SERGEF: variants seen among roughly 807,000 people sequenced by gnomAD.
The protein encoded by SERGEF is secretion regulating guanine nucleotide exchange factor.
Under a neutral mutation model 50.0 loss-of-function variants are expected in SERGEF, and 51 were observed. The ratio of observed to expected loss-of-function variants is 1.02; its 90% CI spans 0.81 to 1.29. The LOEUF (loss-of-function observed/expected upper bound fraction) is 1.29. SERGEF is among the 50% of genes most tolerant of loss of function. The pLI, the probability that SERGEF is intolerant of heterozygous loss-of-function variation, is 0.00. For synonymous variants in SERGEF, 205 were observed against 212.4 expected, an observed-to-expected ratio of 0.97 and a Z score of 0.30; for missense variants, 521 against 557.0, an observed-to-expected ratio of 0.94 and a Z score of 0.65.
chr11:17,948,754 C>T (rs57051551), intron 9 of SERGEF, among the ~76,000 whole-genome samples: 5,386 of 152,250 alleles, frequency 0.035, 319 homozygotes, highest in African/African-American at 0.12. Flanking sequence ...ACTCTACCTC[C>T]TACTTTGCTT....
At chr11:17,898,970 G>A (rs896343215) in intron 9 of SERGEF, among the ~76,000 whole-genome samples, 8 of 152,098 alleles carry the variant, frequency 5.3e-5, no homozygotes, top group South Asian at 2.1e-4. Context: ...GTGAGTGATC[G>A]TGAGAGCTGG....
At chr11:17,882,955 G>C (rs1294644538) in intron 9 of SERGEF, among the ~76,000 whole-genome samples, 1 of 152,204 alleles carries the variant, frequency 6.6e-6, no homozygotes, top group African/African-American at 2.4e-5. Context: ...CCAGCTTGCT[G>C]ATTGGGGCCT....
chr11:17,858,523 A>G (rs370460449), intron 10 of SERGEF, among the ~76,000 whole-genome samples: 12 of 152,246 alleles, frequency 7.9e-5, no homozygotes, highest in African/African-American at 2.9e-4. Context: ...AGCTTCCCCA[A>G]CTCATCAGTC....
chr11:17,911,064 TG>T, intron 9 of SERGEF, among the ~76,000 whole-genome samples: 1 of 152,252 alleles, frequency 6.6e-6, no homozygotes, highest in African/African-American at 2.4e-5. Flanking sequence ...GTGCCAGACA[TG>T]GGGCACATGA....
chr11:17,875,750 C>A (rs1455664135), intron 10 of SERGEF, among the ~76,000 whole-genome samples: 1 of 152,230 alleles, frequency 6.6e-6, no homozygotes, highest in Non-Finnish European at 1.5e-5. Context: ...CAAGTTGATT[C>A]ATCTGTCACA....
intron 9 of SERGEF, among the ~76,000 whole-genome samples, chr11:17,919,957 A>C (rs1852122194): frequency 6.6e-6 from 1 of 151,644 alleles, no homozygotes; most frequent in East Asian, 1.9e-4. Flanking sequence ...AAAAAAAAAA[A>C]AAAACCGCAG....
intron 10 of SERGEF, among the ~76,000 whole-genome samples, chr11:17,834,845 A>G (rs1197531128): frequency 2.6e-5 from 4 of 152,020 alleles, no homozygotes; most frequent in Non-Finnish European, 5.9e-5. Context: ...TTCTGCTCTG[A>G]TCCCTCTAGT....
intron 10 of SERGEF, among the ~76,000 whole-genome samples, chr11:17,797,111 C>T (rs567129042): frequency 2.6e-5 from 4 of 152,220 alleles, no homozygotes; most frequent in African/African-American, 9.6e-5. Context: ...GCCATCACCC[C>T]TCAAGGGCTG....
chr11:17,885,932 C>T (rs943455143), intron 9 of SERGEF, among the ~76,000 whole-genome samples: 1 of 152,172 alleles, frequency 6.6e-6, no homozygotes, highest in African/African-American at 2.4e-5. Context: ...CTTGCCTTGG[C>T]TATAGTTTGC....
chr11:17,821,094 C>T (rs1850072567), intron 10 of SERGEF, among the ~76,000 whole-genome samples: 1 of 152,116 alleles, frequency 6.6e-6, no homozygotes, highest in Non-Finnish European at 1.5e-5. Context: ...GTTTTTGCAG[C>T]CACAAGCCAA....
intron 9 of SERGEF, among the ~76,000 whole-genome samples, chr11:17,909,242 G>A (rs1851905889): frequency 6.6e-6 from 1 of 152,180 alleles, no homozygotes; most frequent in South Asian, 2.1e-4. Flanking sequence ...CTATTTCACA[G>A]AACTATTTAA....
In SERGEF at chr11:18,000,701, A is replaced by G. The variant is rs537618974; in HGVS notation, c.448-144T>C. ...ACCACTCCCCCCAATATTTCCACCCATTAATACCTCTACATTTATCCCTAA... is the reference window on the plus strand; with the variant it reads ...ACCACTCCCCCCAATATTTCCACCCGTTAATACCTCTACATTTATCCCTAA... On this transcript the variant is annotated intron_variant, in intron 4 of 10. Transcript: ENST00000265965. 2.5e-4 allele frequency: 181 copies of G among 723,556 alleles called. No individual in the cohort carries two copies. In the African/African-American group the frequency reaches 2.9e-3, roughly 11 times the overall value. The allele number at this position is 723,556 out of a possible 1,614,324, so 44.8% of individuals were successfully genotyped here.
chr11:17,826,502 T>C (rs1850198469), intron 10 of SERGEF, among the ~76,000 whole-genome samples: 1 of 152,160 alleles, frequency 6.6e-6, no homozygotes, highest in Admixed American at 6.5e-5. Context: ...AGCATGCTAT[T>C]CAAAATAGAG....
intron 8 of SERGEF, among the ~76,000 whole-genome samples, chr11:17,986,900 C>A (rs1565223650): frequency 6.6e-6 from 1 of 152,204 alleles, no homozygotes; most frequent in African/African-American, 2.4e-5. Flanking sequence ...TCTATCACCC[C>A]TAGTGGACAG....
intron 10 of SERGEF, among the ~76,000 whole-genome samples, chr11:17,803,996 G>C: frequency 6.6e-6 from 1 of 152,194 alleles, no homozygotes; most frequent in East Asian, 1.9e-4. Flanking sequence ...GTGGTACCGG[G>C]GGAAGGGCAG....
At chr11:17,967,840 CA>C (rs1237890322) in intron 8 of SERGEF, among the ~76,000 whole-genome samples, 1 of 152,244 alleles carries the variant, frequency 6.6e-6, no homozygotes, top group Non-Finnish European at 1.5e-5. Flanking sequence ...CCCCAGCTCA[CA>C]ATGCTGGTCA....
intron 10 of SERGEF, among the ~76,000 whole-genome samples, chr11:17,808,062 T>A (rs1849794867): frequency 6.6e-6 from 1 of 152,178 alleles, no homozygotes; most frequent in Admixed American, 6.5e-5. Context: ...GCTAAAGGCC[T>A]GAGTCAAACT....
At chr11:17,928,376 T>G (rs879597184) in intron 9 of SERGEF, among the ~76,000 whole-genome samples, 3 of 151,428 alleles carry the variant, frequency 2.0e-5, no homozygotes, top group Non-Finnish European at 4.4e-5. Flanking sequence ...ACCCACAGAG[T>G]CAGTCCATGG....
chr11:17,925,809 A>T (rs1018191652), intron 9 of SERGEF, among the ~76,000 whole-genome samples: 3 of 152,234 alleles, frequency 2.0e-5, no homozygotes, highest in African/African-American at 7.2e-5. Flanking sequence ...CTTCAAAGAC[A>T]GGACATTAGA....
Sources: gnomAD v4.1 joint callset for allele counts (sites outside exome capture counted in the v4.1 genomes callset) on GRCh38, gnomAD v4.1.1 for gene constraint, MANE v1.5 for transcripts, NCBI Gene and HGNC (gene_info 2026-07-23, HGNC 2026-07-21) for gene names.